Variants in SLC26A11 observed in about 807,000 individuals in gnomAD.
The protein encoded by SLC26A11 is solute carrier family 26 member 11.
A neutral mutation model predicts 62.2 loss-of-function variants in SLC26A11; 58 were observed. The observed-to-expected ratio is 0.93, with a 90% CI of 0.76 to 1.16. The LOEUF (loss-of-function observed/expected upper bound fraction) is 1.16, where lower values mean the gene tolerates loss of function less well. Ranked by LOEUF, SLC26A11 falls within the 50% of genes most tolerant of loss-of-function variation. SLC26A11 has a pLI of 0.00. For missense variants in SLC26A11, 790 were observed against 794.3 expected, an observed-to-expected ratio of 0.99 and a Z score of 0.06; for synonymous variants, 411 against 368.9, an observed-to-expected ratio of 1.11 and a Z score of -1.31.
At chr17:80,239,100 G>C (rs1476181098) in intron 9 of SLC26A11, among the ~76,000 whole-genome samples, 2 of 141,296 alleles carry the variant, frequency 1.4e-5, no homozygotes, top group Non-Finnish European at 3.1e-5. Context: ...TTTTTTTTGA[G>C]ATAGTGTTTC....
Position 80,222,942 on chromosome 17 carries a change from T to TAG in SLC26A11, c.427+95_427+96insAG. ...ATCCCCGTGTGCGTGTGTGTGCGTG[T>TAG]TGGGGTGTGGGTATGTATGTGTGTG... On this transcript the variant is annotated intron_variant, in intron 4 of 17. Coordinates refer to ENST00000361193, the MANE Select transcript of SLC26A11 (RefSeq NM_001166347.2). The surrounding 1 kb of genome is among the most constrained non-coding windows in gnomAD (Gnocchi z 4.7). 1 of 1,334,232 alleles carries TAG rather than the reference T, an allele frequency of 7.5e-7. No individual in the cohort carries two copies. Among genetic ancestry groups the TAG allele is most frequent in the African/African-American group, 1.9e-5 (1 of 51,636 alleles). 82.6% of individuals were successfully genotyped at this position (1,334,232 alleles called of 1,614,324 possible).
Position 80,221,575 on chromosome 17 carries a change from G to T in SLC26A11, c.15G>T (p.Val5=), listed in dbSNP as rs1431654038. 3.1e-6 allele frequency: 5 copies of T among 1,597,066 alleles called. No individual in the cohort carries two copies. The highest frequency in any genetic ancestry group is 4.3e-6 in the Non-Finnish European group (5 of 1,175,740). MPSS[V]TALGQARSSG... is the part of the protein sequence containing the mutation. Reference sequence around the variant, plus strand: ...CCACCGTAGAGATGCCTTCTTCGGTGACGGCGCTGGGTCAGGCCAGGTCCT... The same window carrying T: ...CCACCGTAGAGATGCCTTCTTCGGTTACGGCGCTGGGTCAGGCCAGGTCCT... The change falls in exon 3 of 18, where the codon GTG becomes GTT. Residue 5 remains valine, a synonymous_variant. Coordinates refer to ENST00000361193, the MANE Select transcript of SLC26A11 (RefSeq NM_001166347.2).
At position 80,228,034 on chromosome 17, in the gene SLC26A11, C is replaced by T; in HGVS notation, c.736+74C>T. ...GGTCACTTGGGGAGTCCTAGTCCCA[C>T]CCTAGGGATTCTCACGTCATTGGTC... is the stretch of plus-strand genomic sequence containing the variant. On this transcript the variant is annotated intron_variant, in intron 7 of 17. Coordinates refer to ENST00000361193, the MANE Select transcript of SLC26A11 (RefSeq NM_001166347.2). The surrounding 1 kb of genome is among the most constrained non-coding windows in gnomAD (Gnocchi z 4.1). 1.4e-6 allele frequency: 2 copies of T among 1,387,698 alleles called. No homozygotes were observed. The highest frequency in any genetic ancestry group is 1.2e-5 in the South Asian group (1 of 80,082). 86.0% of individuals were successfully genotyped at this position (1,387,698 alleles called of 1,614,324 possible).
intron 7 of SLC26A11, among the ~76,000 whole-genome samples, chr17:80,236,018 A>G (rs142353756): frequency 6.6e-6 from 1 of 152,338 alleles, no homozygotes; most frequent in African/African-American, 2.4e-5. Context: ...CACAAAGCAA[A>G]AAGTTTTTAG....
intron 3 of SLC26A11, 27 bp downstream of exon 3, chr17:80,221,821 C>G: frequency 2.5e-6 from 4 of 1,592,296 alleles, no homozygotes; most frequent in Non-Finnish European, 3.4e-6. Context: ...TGCTGCCAGC[C>G]ATATCTCAGA....
At chr17:80,241,363 C>G (rs2042855376) in intron 9 of SLC26A11, among the ~76,000 whole-genome samples, 1 of 152,128 alleles carries the variant, frequency 6.6e-6, no homozygotes, top group South Asian at 2.1e-4. Context: ...AGGCTCAAAC[C>G]ATCCTCCCGC....
chr17:80,248,753 A>G (rs1372806468), intron 15 of SLC26A11, 79 bp downstream of exon 15: 5 of 1,385,240 alleles, frequency 3.6e-6, no homozygotes, highest in Admixed American at 2.0e-5. Context: ...CAGGACCCCA[A>G]GACCCTGTCC....
intron 7 of SLC26A11, among the ~76,000 whole-genome samples, chr17:80,236,402 C>A (rs1289511265): frequency 6.6e-6 from 1 of 152,186 alleles, no homozygotes; most frequent in African/African-American, 2.4e-5. Flanking sequence ...CTGGGCTCTG[C>A]TAGGGGGTCC....
In SLC26A11 at chr17:80,246,682, G is replaced by A. The variant is rs2043007770; in HGVS notation, c.1294+33G>A. 2 of 1,606,744 alleles carry A rather than the reference G, an allele frequency of 1.2e-6. No individual in the cohort carries two copies. The highest frequency in any genetic ancestry group is 8.5e-7 in the Non-Finnish European group (1 of 1,176,724). ...CTTGTCCTACAGGGGAGAGCGCTGT[G>A]ATGCGGTGTCTGAACGCGGAGGGTG... On this transcript the variant is annotated intron_variant, in intron 13 of 17. Transcript: ENST00000361193. This position sits in a 1 kb window ranked among gnomAD's most constrained non-coding sequence, Gnocchi z 4.4.
In SLC26A11 at chr17:80,231,817, ATC is replaced by A. The variant is rs577243493; in HGVS notation, c.736+3859_736+3860del. Among the ~76,000 whole-genome samples, 71 of 152,304 alleles carry A rather than the reference ATC, an allele frequency of 4.7e-4. No homozygotes were observed. In the Middle Eastern group the frequency reaches 0.01, roughly 22 times the overall value. On this transcript the variant is annotated intron_variant, in intron 7 of 17. Transcript: ENST00000361193. Reference sequence around the variant, plus strand: ...TAAGAAAACGTACTTAGTGATTTAAATCTGTTTTCCTTTATTGAGAGTTGTAT... The same window carrying A: ...TAAGAAAACGTACTTAGTGATTTAAATGTTTTCCTTTATTGAGAGTTGTAT...
Position 80,222,761 on chromosome 17 carries a change from T to C in SLC26A11, c.341T>C (p.Phe114Ser). 1 of 1,613,352 alleles carries C rather than the reference T, an allele frequency of 6.2e-7. No homozygotes were observed. The highest frequency in any genetic ancestry group is 8.5e-7 in the Non-Finnish European group (1 of 1,179,596). Residue 114 changes from phenylalanine to serine, a missense_variant, in exon 4 of 18, where the codon TTC becomes TCC. By Grantham distance (155) the Phe-to-Ser change is radical. Transcript: ENST00000361193. This position sits in a 1 kb window ranked among gnomAD's most constrained non-coding sequence, Gnocchi z 4.7. ...GCCATTATGTCCCTCCTGGTCTCCT[T>C]CTACACCTTCCATGAGCCCGCCTAC... ...PTAIMSLLVS[F>S]YTFHEPAYAV...
intron 9 of SLC26A11, among the ~76,000 whole-genome samples, chr17:80,238,558 AG>A (rs2042762113): frequency 3.3e-5 from 5 of 152,116 alleles, no homozygotes; most frequent in African/African-American, 1.2e-4. Context: ...CCCTCCTTGC[AG>A]CTCCGTCCTT....
chr17:80,231,897 C>G (rs2042574882), intron 7 of SLC26A11, among the ~76,000 whole-genome samples: 1 of 152,182 alleles, frequency 6.6e-6, no homozygotes, highest in Non-Finnish European at 1.5e-5. Context: ...TGCTTGAGAA[C>G]ATGTTTTCTG....
At chr17:80,234,009 A>AT (rs1172724777) in intron 7 of SLC26A11, among the ~76,000 whole-genome samples, 4 of 148,792 alleles carry the variant, frequency 2.7e-5, no homozygotes, top group Admixed American at 1.3e-4. Flanking sequence ...GTTATTTATT[A>AT]TTTTTTTTAT....
intron 15 of SLC26A11, 119 bp downstream of exon 15, chr17:80,248,793 G>A: frequency 1.9e-6 from 2 of 1,027,220 alleles, no homozygotes; most frequent in Non-Finnish European, 2.8e-6. Context: ...AAGGATGCAG[G>A]CATCTCTGAG....
At chr17:80,224,715 C>T (rs2042356521) in intron 5 of SLC26A11, among the ~76,000 whole-genome samples, 1 of 152,120 alleles carries the variant, frequency 6.6e-6, no homozygotes, top group Non-Finnish European at 1.5e-5. Context: ...CTGGAAACAT[C>T]ATTTTTGGTG....
intron 16 of SLC26A11, among the ~76,000 whole-genome samples, chr17:80,249,801 A>G (rs1259420668): frequency 2.6e-5 from 4 of 152,096 alleles, no homozygotes; most frequent in African/African-American, 7.2e-5. Flanking sequence ...TTCCAGCTAC[A>G]TGGGAGGCTG....
Position 80,249,169 on chromosome 17 carries a change from G to C in SLC26A11, c.1538G>C (p.Cys513Ser), listed in dbSNP as rs1567969033. The C allele has an allele frequency of 1.9e-6, 3 of 1,608,514 alleles. No individual in the cohort carries two copies. Among genetic ancestry groups the C allele is most frequent in the East Asian group, 4.5e-5 (2 of 44,862 alleles). The change falls in exon 16 of 18, where the codon TGC (cysteine) becomes TCC (serine). Residue 513 changes from cysteine to serine, a missense_variant. By Grantham distance (112) the Cys-to-Ser change is moderately radical. Coordinates refer to ENST00000361193, the MANE Select transcript of SLC26A11 (RefSeq NM_001166347.2). ...SRALEVSPPR[C>S]LVLECTHVCS... Reference sequence around the variant, plus strand: ...GTCTCCCCAGTGTCCCCGCCACGCTGCCTGGTCCTGGAGTGCACCCATGTC... The same window carrying C: ...GTCTCCCCAGTGTCCCCGCCACGCTCCCTGGTCCTGGAGTGCACCCATGTC...
At chr17:80,249,331 A>G in intron 16 of SLC26A11, 44 bp downstream of exon 16, 1 of 1,600,108 alleles carries the variant, frequency 6.2e-7, no homozygotes, top group South Asian at 1.1e-5. Context: ...AGCTGCCGGA[A>G]GGCCTTCCTG....
Sources: allele counts gnomAD v4.1 joint callset (sites outside exome capture counted in the v4.1 genomes callset), GRCh38; gene constraint gnomAD v4.1.1; non-coding constraint Gnocchi (gnomAD v3.1); transcripts MANE v1.5; gene names NCBI Gene and HGNC (gene_info 2026-07-23, HGNC 2026-07-21).